JRK: variants seen among roughly 807,000 people sequenced by gnomAD.
The protein encoded by JRK is Jrk helix-turn-helix protein.
For missense variants in JRK, 720 were observed against 509.2 expected (o/e 1.41, Z -3.98); for synonymous variants, 303 against 218.1 (o/e 1.39, Z -3.43).
chr8:142,660,822 T>C lies in JRK; in HGVS notation c.*3530A>G, dbSNP rs978722558. 3.4e-5 allele frequency: 34 copies of C among 985,542 alleles called. No homozygotes were observed. In the Middle Eastern group the frequency reaches 2.1e-3, roughly 61 times the overall value. 61.0% of individuals were successfully genotyped at this position (985,542 alleles called of 1,614,324 possible). A position where few individuals can be genotyped will look rare whatever the true frequency, so the allele number is the denominator to read the frequency against. On this transcript the variant is annotated 3_prime_UTR_variant, in exon 2 of 2. Transcript: ENST00000612905. The stretch of plus-strand genomic sequence containing the variant: ...CACAGCCTCCCAAGAATGGATGCAG[T>C]CTACACCTTCTGCAAACCCCTGCCT...
In JRK at chr8:142,664,718, T is replaced by C; in HGVS notation, c.1341A>G (p.Ala447=). The C allele has an allele frequency of 2.5e-6, 4 of 1,605,368 alleles. No homozygotes were observed. The highest frequency in any genetic ancestry group is 3.4e-6 in the Non-Finnish European group (4 of 1,176,592). ...TGGCAGCAGGGGGCCGTCCCCCTTC[T>C]GCCTCCCTTCCCGCTACCCCCCAGC... ...AASWGVAGRE[A]EGGRPPAATS... is the part of the protein sequence containing the mutation. The change falls in exon 2 of 2, where the codon GCA becomes GCG. Residue 447 remains alanine (A), a synonymous_variant. Transcript: ENST00000612905.
rs1554635744 is a variant in JRK at position 142,665,525 on chromosome 8, C to T, written c.534G>A (p.Leu178=). The T allele has an allele frequency of 2.8e-6, 2 of 718,234 alleles. No individual in the cohort carries two copies. The highest frequency in any genetic ancestry group is 5.2e-6 in the Non-Finnish European group (2 of 385,102). The allele number at this position is 718,234 out of a possible 1,614,324, so 44.5% of individuals were successfully genotyped here. ...FFRSLAAEHG[L]SAEQVYNADE... ...CAGCGTTGTAAACCTGCTCGGCGGA[C>T]AGCCCGTGCTCAGCAGCCAAGCTCC... The change falls in exon 2 of 2, where the codon CTG becomes CTA. Residue 178 remains leucine (L), a synonymous_variant. Coordinates refer to ENST00000612905, the MANE Select transcript of JRK (RefSeq NM_003724.4).
chr8:142,662,215 G>C lies in JRK; in HGVS notation c.*2137C>G, dbSNP rs1269867970. On this transcript the variant is annotated 3_prime_UTR_variant, in exon 2 of 2. Coordinates refer to ENST00000612905, the MANE Select transcript of JRK (RefSeq NM_003724.4). Reference sequence around the variant, plus strand: ...CAAGAGCAGATCAAGAACGGGAAGAGCTCAGGTCCTGAAGAGCTACAGTCT... The same window carrying C: ...CAAGAGCAGATCAAGAACGGGAAGACCTCAGGTCCTGAAGAGCTACAGTCT... 1 of 985,426 alleles carries C rather than the reference G, an allele frequency of 1.0e-6. No homozygotes were observed. The highest frequency in any genetic ancestry group is 1.2e-6 in the Non-Finnish European group (1 of 830,028). The allele number at this position is 985,426 out of a possible 1,614,324, so 61.0% of individuals were successfully genotyped here.
At chr8:142,652,798 G>T (rs781977429), downstream of JRK, among the ~76,000 whole-genome samples, 25 of 152,212 alleles carry the variant, frequency 1.6e-4, no homozygotes, top group Non-Finnish European at 3.5e-4. Context: ...GTGACCTATA[G>T]CTGGAGAAGT....
At chr8:142,655,501 C>A (rs1331646788), downstream of JRK, among the ~76,000 whole-genome samples, 1 of 152,242 alleles carries the variant, frequency 6.6e-6, no homozygotes, top group Non-Finnish European at 1.5e-5. Context: ...CAGACACAGC[C>A]AAGGCAGATG....
At position 142,664,739 on chromosome 8, in the gene JRK, C is replaced by A; in HGVS notation, c.1320G>T (p.Trp440Cys). The A allele has an allele frequency of 6.3e-7, 1 of 1,598,298 alleles. No homozygotes were observed. The highest frequency in any genetic ancestry group is 1.1e-5 in the South Asian group (1 of 88,602). Reference protein sequence around the residue: ...GQLRQRQAASWGVAGREAEGG... With the variant: ...GQLRQRQAASCGVAGREAEGG... ...CTTCTGCCTCCCTTCCCGCTACCCC[C>A]CAGCTGGCGGCCTGGCGCTGGCGAA... Residue 440 changes from tryptophan (W) to cysteine (C), a missense_variant, in exon 2 of 2, where the codon TGG becomes TGT. Transcript: ENST00000612905.
chr8:142,658,885 C>T lies in JRK; in HGVS notation c.*5467G>A. ...TCTCTGTAGAGGCCTCCAGGCAGCA[C>T]TTAGGAATTGCCAACTCCTCTGGTG... On this transcript the variant is annotated 3_prime_UTR_variant, in exon 2 of 2. Transcript: ENST00000612905. 1.2e-6 allele frequency: 2 copies of T among 1,613,658 alleles called. No homozygotes were observed. The highest frequency in any genetic ancestry group is 8.5e-7 in the Non-Finnish European group (1 of 1,179,782).
chr8:142,645,503 C>T, the JRK span, among the ~76,000 whole-genome samples: 1 of 151,954 alleles, frequency 6.6e-6, no homozygotes, highest in African/African-American at 2.4e-5. Context: ...CACAGTGAAA[C>T]CCCGTCTCTA....
At position 142,664,438 on chromosome 8, in the gene JRK, C is replaced by T. The variant is rs782016550; in HGVS notation, c.1621G>A (p.Val541Ile). The T allele has an allele frequency of 8.9e-5, 143 of 1,611,070 alleles. No homozygotes were observed. The highest frequency in any genetic ancestry group is 1.2e-4 in the Non-Finnish European group (137 of 1,178,574). ...CCAGGGCCCTCCTGGAGGGCTTCAA[C>T]CTTGACCACAGCCCCGAGGGCACCA... is the stretch of plus-strand genomic sequence containing the variant. ...RRGALGAVVK[V>I]EALQEGPGGC... The change falls in exon 2 of 2, where the codon GTT (valine) becomes ATT (isoleucine). Residue 541 changes from valine to isoleucine, a missense_variant. Transcript: ENST00000612905.
chr8:142,648,834 CACA>C, the JRK span, among the ~76,000 whole-genome samples: 1 of 152,200 alleles, frequency 6.6e-6, no homozygotes, highest in Non-Finnish European at 1.5e-5. Flanking sequence ...CTGGAAAAGC[CACA>C]GACACTCAAC....
rs1473931464 is a variant in JRK, at chr8:142,662,948, C to A, written c.*1404G>T. ...GATGAGGAAGGAGGATCGCTTGAGGCCAAGAGTTCAAGACCAGCCTGGGCA... is the reference window on the plus strand; with the variant it reads ...GATGAGGAAGGAGGATCGCTTGAGGACAAGAGTTCAAGACCAGCCTGGGCA... On this transcript the variant is annotated 3_prime_UTR_variant, in exon 2 of 2. Coordinates refer to ENST00000612905, the MANE Select transcript of JRK (RefSeq NM_003724.4). The A allele has an allele frequency of 4.9e-6, 4 of 822,900 alleles. No homozygotes were observed. Among genetic ancestry groups the A allele is most frequent in the Non-Finnish European group, 5.9e-6 (4 of 681,800 alleles). The allele number at this position is 822,900 out of a possible 1,614,324, so 51.0% of individuals were successfully genotyped here.
At chr8:142,645,705 C>T in the JRK span, among the ~76,000 whole-genome samples, 7 of 151,822 alleles carry the variant, frequency 4.6e-5, no homozygotes, top group African/African-American at 1.5e-4. Flanking sequence ...ATATATACAT[C>T]CTCTTACTGT....
At chr8:142,668,633 A>G (rs1414654491) in intron 1 of JRK, among the ~76,000 whole-genome samples, 1 of 151,766 alleles carries the variant, frequency 6.6e-6, no homozygotes, top group East Asian at 2.0e-4. Flanking sequence ...GAGGAGACTC[A>G]ACACCAGACA....
downstream of JRK, among the ~76,000 whole-genome samples, chr8:142,653,490 C>T (rs1329236503): frequency 1.3e-5 from 2 of 152,132 alleles, no homozygotes; most frequent in African/African-American, 2.4e-5. Context: ...CTTCCTGCCT[C>T]AGCCTCCCAA....
In JRK at chr8:142,662,356, C is replaced by A; in HGVS notation, c.*1996G>T. On this transcript the variant is annotated 3_prime_UTR_variant, in exon 2 of 2. Coordinates refer to ENST00000612905, the MANE Select transcript of JRK (RefSeq NM_003724.4). ...CCAGGATGTCCTACTGTTTCAGAGC[C>A]CTCGGGACATGTTCTAACCTCCTGT... The A allele has an allele frequency of 2.0e-6, 2 of 985,392 alleles. No individual in the cohort carries two copies. Among genetic ancestry groups the A allele is most frequent in the East Asian group, 2.3e-4 (2 of 8,830 alleles). 61.0% of individuals were successfully genotyped at this position (985,392 alleles called of 1,614,324 possible). A position where few individuals can be genotyped will look rare whatever the true frequency, so the allele number is the denominator to read the frequency against.
rs1846787845 is a variant in JRK at position 142,657,813 on chromosome 8, C to T, written c.*6539G>A. 1 of 152,298 alleles carries T rather than the reference C, an allele frequency of 6.6e-6. No individual in the cohort carries two copies. 9.4% of individuals were successfully genotyped at this position (152,298 alleles called of 1,614,324 possible). ...CCATATAAGATTAGAAAGGGACAAA[C>T]ATCCAAACTGTATCATGGCAGAAGG... On this transcript the variant is annotated 3_prime_UTR_variant, in exon 2 of 2. Transcript: ENST00000612905.
In JRK at chr8:142,669,942, C is replaced by T. The variant is rs1269987043; in HGVS notation, c.-473G>A. Reference sequence around the variant, plus strand: ...CAGGACCCTACTCACCCTGCTCACCCGGAGCAGCCGCCGCCGGCCGGAAGT... The same window carrying T: ...CAGGACCCTACTCACCCTGCTCACCTGGAGCAGCCGCCGCCGGCCGGAAGT... On this transcript the variant is annotated 5_prime_UTR_variant, in exon 1 of 2. Transcript: ENST00000612905. The T allele has an allele frequency of 1.5e-4, 23 of 153,506 alleles. No individual in the cohort carries two copies. Among genetic ancestry groups the T allele is most frequent in the African/African-American group, 5.1e-4 (21 of 41,566 alleles). The allele number at this position is 153,506 out of a possible 1,614,324, so 9.5% of individuals were successfully genotyped here.
At chr8:142,651,751 C>A in the JRK span, among the ~76,000 whole-genome samples, 2 of 152,152 alleles carry the variant, frequency 1.3e-5, no homozygotes, top group Middle Eastern at 3.2e-3. Context: ...TTACTGAGTG[C>A]TCTAACAGTA....
At position 142,664,509 on chromosome 8, in the gene JRK, G is replaced by A. The variant is rs782814070; in HGVS notation, c.1550C>T (p.Ala517Val). ...FSAQEVGQLR[A>V]LRAVFRSQQQ... ...CTGGCTCCGGAACACGGCACGCAGC[G>A]CCCGCAGCTGCCCCACTTCCTGCGC... The change falls in exon 2 of 2, where the codon GCG becomes GTG. Residue 517 changes from alanine to valine, a missense_variant. Physicochemically the swap from Ala to Val is moderately conservative, Grantham distance 64. Transcript: ENST00000612905. 35 of 1,608,634 alleles carry A rather than the reference G, an allele frequency of 2.2e-5. 1 individual carries two copies. In the Middle Eastern group the frequency reaches 5.0e-4, roughly 23 times the overall value.
Sources: allele counts gnomAD v4.1 joint callset (sites outside exome capture counted in the v4.1 genomes callset), GRCh38; gene constraint gnomAD v4.1.1; transcripts MANE v1.5; gene names NCBI Gene and HGNC (gene_info 2026-07-23, HGNC 2026-07-21).